The following CFAP299 variants were observed in gnomAD, a reference collection of about 807,000 sequenced individuals.
CFAP299 encodes the protein cilia and flagella associated protein 299, also known as cilia- and flagella-associated protein 299.
Under a neutral mutation model 27.0 loss-of-function variants are expected in CFAP299, and 21 were observed. The observed-to-expected ratio is 0.78, with a 90% CI of 0.55 to 1.12. The LOEUF is 1.12. Ranked by LOEUF, CFAP299 falls within the 50% of genes most tolerant of loss-of-function variation. The pLI is 0.00. For missense variants in CFAP299, 310 were observed against 276.6 expected (o/e 1.12, Z -0.86); for synonymous variants, 104 against 98.1 (o/e 1.06, Z -0.36).
chr4:80,381,988 A>G (rs1724723976), intron 2 of CFAP299, among the ~76,000 whole-genome samples: 2 of 152,216 alleles, frequency 1.3e-5, no homozygotes, highest in Admixed American at 1.3e-4. Context: ...ATATCTTATG[A>G]CAAAAAGATT....
chr4:80,350,397 G>A (rs1160901348), intron 1 of CFAP299, among the ~76,000 whole-genome samples: 1 of 151,930 alleles, frequency 6.6e-6, no homozygotes, highest in Non-Finnish European at 1.5e-5. Flanking sequence ...ACCAAAAACA[G>A]GAATGACTGA....
intron 3 of CFAP299, among the ~76,000 whole-genome samples, chr4:80,627,644 G>A (rs576058312): frequency 6.6e-6 from 1 of 152,108 alleles, no homozygotes; most frequent in South Asian, 2.1e-4. Flanking sequence ...ATTGAGTAAA[G>A]TTGCAGGATA....
chr4:80,816,371 A>G (rs193034788), intron 3 of CFAP299, among the ~76,000 whole-genome samples: 1 of 152,270 alleles, frequency 6.6e-6, no homozygotes, highest in African/African-American at 2.4e-5. Context: ...TCAGCAGTAA[A>G]GGAAAATAAA....
intron 2 of CFAP299, among the ~76,000 whole-genome samples, chr4:80,570,860 C>T (rs375441839): frequency 5.9e-5 from 9 of 151,760 alleles, no homozygotes; most frequent in South Asian, 2.1e-4. Context: ...TATTCATACA[C>T]GAGAATACAA....
chr4:80,454,105 A>C (rs1202589865), intron 2 of CFAP299, among the ~76,000 whole-genome samples: 2 of 151,998 alleles, frequency 1.3e-5, no homozygotes, highest in African/African-American at 4.8e-5. Context: ...AGTGGTTGAC[A>C]ATTTTTGCAA....
chr4:80,710,618 AT>A (rs1462863092), intron 3 of CFAP299, among the ~76,000 whole-genome samples: 1 of 150,450 alleles, frequency 6.6e-6, no homozygotes. Context: ...AAGATTTTGA[AT>A]TCAAAATCCT....
chr4:80,787,171 T>C (rs1490504713), intron 3 of CFAP299, among the ~76,000 whole-genome samples: 1 of 149,758 alleles, frequency 6.7e-6, no homozygotes, highest in African/African-American at 2.4e-5. Context: ...AATGCGATAA[T>C]GTCTTATCTC....
At chr4:80,584,391 T>C (rs1379543675) in intron 3 of CFAP299, among the ~76,000 whole-genome samples, 1 of 152,022 alleles carries the variant, frequency 6.6e-6, no homozygotes, top group Non-Finnish European at 1.5e-5. Context: ...ATTTCATGTA[T>C]GTGATAGAGA....
chr4:80,365,473 A>C (rs901799903), intron 2 of CFAP299, among the ~76,000 whole-genome samples: 1 of 152,182 alleles, frequency 6.6e-6, no homozygotes, highest in African/African-American at 2.4e-5. Context: ...AGATTAGAGA[A>C]TGGATATCCT....
chr4:80,381,820 A>T (rs1272257151), intron 2 of CFAP299, among the ~76,000 whole-genome samples: 1 of 152,202 alleles, frequency 6.6e-6, no homozygotes, highest in South Asian at 2.1e-4. Flanking sequence ...TTCATAGTTC[A>T]TTATGATCTG....
chr4:80,801,951 A>G (rs904511524), intron 3 of CFAP299, among the ~76,000 whole-genome samples: 3 of 152,196 alleles, frequency 2.0e-5, no homozygotes, highest in Admixed American at 2.0e-4. Flanking sequence ...TTTTGCAAGC[A>G]CTTTCTGATG....
chr4:80,459,330 C>G (rs1416754233), intron 2 of CFAP299, among the ~76,000 whole-genome samples: 1 of 152,088 alleles, frequency 6.6e-6, no homozygotes, highest in East Asian at 1.9e-4. Flanking sequence ...TGCTAGCAGG[C>G]CTCTGCACAT....
chr4:80,389,197 A>C (rs1368601732), intron 2 of CFAP299, among the ~76,000 whole-genome samples: 2 of 152,180 alleles, frequency 1.3e-5, no homozygotes, highest in Non-Finnish European at 2.9e-5. Flanking sequence ...GGGTTAGATA[A>C]TAATTTATCT....
intron 3 of CFAP299, among the ~76,000 whole-genome samples, chr4:80,819,264 G>A (rs190743828): frequency 6.6e-6 from 1 of 152,156 alleles, no homozygotes. Context: ...TCAAGAGAGT[G>A]ACAGGAGAGT....
chr4:80,685,197 C>T (rs1560696967), intron 3 of CFAP299, among the ~76,000 whole-genome samples: 1 of 152,182 alleles, frequency 6.6e-6, no homozygotes, highest in Non-Finnish European at 1.5e-5. Context: ...CCTAACATTT[C>T]TCTGGAGTTT....
chr4:80,591,272 C>T lies in CFAP299; in HGVS notation c.333+8089C>T, dbSNP rs555675883. Among the ~76,000 whole-genome samples, 10 of 150,362 alleles carry T rather than the reference C, an allele frequency of 6.7e-5. No homozygotes were observed. The East Asian group carries it at 1.9e-3, about 29-fold the overall frequency. ...CCAAGTAGCTGGGACTACAGGCGCC[C>T]GCCACTACGCCCGGCTAATTTTTTG... On this transcript the variant is annotated intron_variant, in intron 3 of 5. Transcript: ENST00000358105.
At position 80,591,104 on chromosome 4, in the gene CFAP299, A is replaced by ATTTTTTTTTTTTTTTTTTTTTTT. The variant is rs1339201630; in HGVS notation, c.333+7921_333+7922insTTTTTTTTTTTTTTTTTTTTTTT. Among the ~76,000 whole-genome samples, 14 of 116,492 alleles carry ATTTTTTTTTTTTTTTTTTTTTTT rather than the reference A, an allele frequency of 1.2e-4. 2 individuals are homozygous for ATTTTTTTTTTTTTTTTTTTTTTT. The highest frequency in any genetic ancestry group is 2.8e-4 in the Admixed American group (3 of 10,842). The allele number at this position is 116,492 out of a possible 152,430, so 76.4% of individuals were successfully genotyped here. ...AGAAACAGATTATAATACTTTAGGA[A>ATTTTTTTTTTTTTTTTTTTTTTT]ATTTTTTTTTTTTTTTTTTTTTTTT... On this transcript the variant is annotated intron_variant, in intron 3 of 5. Coordinates refer to ENST00000358105, the MANE Select transcript of CFAP299 (RefSeq NM_152770.3).
chr4:80,571,501 A>C (rs1330079488), intron 2 of CFAP299, among the ~76,000 whole-genome samples: 2 of 152,300 alleles, frequency 1.3e-5, no homozygotes, highest in Non-Finnish European at 2.9e-5. Context: ...AGAAGTAATA[A>C]GCAAGAAAGT....
chr4:80,735,168 A>T (rs1375593058), intron 3 of CFAP299, among the ~76,000 whole-genome samples: 1 of 151,872 alleles, frequency 6.6e-6, no homozygotes, highest in Non-Finnish European at 1.5e-5. Context: ...TGCTTCACTT[A>T]TTTGGTTAAT....
Sources: allele counts gnomAD v4.1 joint callset (sites outside exome capture counted in the v4.1 genomes callset), GRCh38; gene constraint gnomAD v4.1.1; transcripts MANE v1.5; gene names NCBI Gene and HGNC (gene_info 2026-07-23, HGNC 2026-07-21).